Variants in DNM3 observed in about 807,000 individuals in gnomAD.
DNM3 encodes the protein dynamin-3.
Under a neutral mutation model 101.6 loss-of-function variants are expected in DNM3, and 47 were observed. That is an observed-to-expected ratio of 0.46 (90% CI 0.37 to 0.59). DNM3 has a LOEUF of 0.59. DNM3 is among the 20% of genes least tolerant of loss of function. The probability of loss-of-function intolerance (pLI) is 0.00; values close to 1 mark genes in which losing one functional copy is unlikely to be tolerated. For synonymous variants in DNM3, 385 were observed against 387.9 expected (o/e 0.99, Z 0.09); for missense variants, 849 against 1,085.7 (o/e 0.78, Z 3.06).
At chr1:172,407,710 T>G in intron 20 of DNM3, 62 bp from the exon 21 acceptor site, 1 of 1,558,900 alleles carries the variant, frequency 6.4e-7, no homozygotes, top group Non-Finnish European at 8.8e-7. Context: ...TCAGTGTCCT[T>G]GGAACAATGT....
chr1:172,003,875 C>A (rs2046505944), intron 4 of DNM3, among the ~76,000 whole-genome samples: 1 of 151,868 alleles, frequency 6.6e-6, no homozygotes, highest in Non-Finnish European at 1.5e-5. Flanking sequence ...TGACCAGCTG[C>A]TGTGGAGAAA....
chr1:171,896,264 T>C (rs1024019364), intron 1 of DNM3, among the ~76,000 whole-genome samples: 11 of 152,276 alleles, frequency 7.2e-5, no homozygotes, highest in Middle Eastern at 3.4e-3. Flanking sequence ...ATTCTTCCTA[T>C]CCATGAGCAT....
At chr1:172,183,767 ATTTTTT>A (rs376245976) in intron 14 of DNM3, among the ~76,000 whole-genome samples, 4 of 62,652 alleles carry the variant, frequency 6.4e-5, no homozygotes, top group South Asian at 7.1e-4. Flanking sequence ...TGCCCAGCTA[ATTTTTT>A]TTTTTTTTTT....
chr1:171,876,796 G>A (rs2035828785), intron 1 of DNM3, among the ~76,000 whole-genome samples: 1 of 152,200 alleles, frequency 6.6e-6, no homozygotes, highest in African/African-American at 2.4e-5. Context: ...TTTTTTAGTG[G>A]TAGTTTGAAA....
At chr1:172,177,093 TGA>T (rs1285281409) in intron 14 of DNM3, among the ~76,000 whole-genome samples, 1 of 151,804 alleles carries the variant, frequency 6.6e-6, no homozygotes, top group East Asian at 1.9e-4. Flanking sequence ...GTTTTGAGTT[TGA>T]GAGAACAATG....
chr1:172,198,815 A>C (rs2060048314), intron 14 of DNM3, among the ~76,000 whole-genome samples: 2 of 150,902 alleles, frequency 1.3e-5, no homozygotes, highest in South Asian at 4.2e-4. Flanking sequence ...TCTTTCTATT[A>C]GTCTAGTTAG....
At chr1:172,023,595 A>G (rs1309835113) in intron 4 of DNM3, among the ~76,000 whole-genome samples, 2 of 151,990 alleles carry the variant, frequency 1.3e-5, no homozygotes, top group African/African-American at 2.4e-5. Flanking sequence ...ATCTTTTATC[A>G]GTTCCCAGTA....
intron 4 of DNM3, among the ~76,000 whole-genome samples, chr1:172,003,923 T>C (rs766722416): frequency 2.6e-5 from 4 of 151,960 alleles, no homozygotes; most frequent in Admixed American, 1.3e-4. Flanking sequence ...GGGGACTCTA[T>C]TGAGGCCATA....
At chr1:172,268,620 C>A (rs187929483) in intron 15 of DNM3, among the ~76,000 whole-genome samples, 2 of 152,228 alleles carry the variant, frequency 1.3e-5, no homozygotes, top group Admixed American at 1.3e-4. Flanking sequence ...ACCAACCACA[C>A]CCAGACAGAA....
chr1:172,342,947 C>A (rs1408679569), intron 17 of DNM3, among the ~76,000 whole-genome samples: 1 of 152,076 alleles, frequency 6.6e-6, no homozygotes, highest in Non-Finnish European at 1.5e-5. Context: ...AAGAAACCTG[C>A]AAAATATATT....
chr1:172,314,534 G>A (rs1241218962), intron 16 of DNM3, among the ~76,000 whole-genome samples: 14 of 152,180 alleles, frequency 9.2e-5, no homozygotes, highest in Non-Finnish European at 1.9e-4. Context: ...ACTCCCACCC[G>A]CATACTGTGC....
At chr1:172,147,546 T>C (rs2057959840) in intron 14 of DNM3, among the ~76,000 whole-genome samples, 1 of 152,134 alleles carries the variant, frequency 6.6e-6, no homozygotes, top group Non-Finnish European at 1.5e-5. Flanking sequence ...TTCAGTTAGT[T>C]ATTGTTCCCA....
chr1:172,247,785 A>C (rs2148669478), intron 14 of DNM3, among the ~76,000 whole-genome samples: 1 of 151,968 alleles, frequency 6.6e-6, no homozygotes, highest in South Asian at 2.1e-4. Flanking sequence ...CCTGGGTTCA[A>C]GTGATTCTCC....
intron 13 of DNM3, among the ~76,000 whole-genome samples, chr1:172,112,915 T>C (rs2055587838): frequency 6.6e-6 from 1 of 152,234 alleles, no homozygotes; most frequent in Non-Finnish European, 1.5e-5. Flanking sequence ...CCATTTTTAT[T>C]ATTGCAATTA....
Position 172,412,502 on chromosome 1 carries a change from G to A in DNM3, c.*4661G>A. The A allele has an allele frequency of 2.0e-6, 2 of 985,696 alleles. No individual in the cohort carries two copies. The highest frequency in any genetic ancestry group is 2.4e-6 in the Non-Finnish European group (2 of 829,884). 61.1% of individuals were successfully genotyped at this position (985,696 alleles called of 1,614,324 possible). Reference sequence around the variant, plus strand: ...AAGGAATATACAGAAGTAAAATCTTGTCTTCTCTGCTGATTCTTTAATTAA... The same window carrying A: ...AAGGAATATACAGAAGTAAAATCTTATCTTCTCTGCTGATTCTTTAATTAA... On this transcript the variant is annotated 3_prime_UTR_variant, in exon 21 of 21. Coordinates refer to ENST00000627582, the MANE Select transcript of DNM3 (RefSeq NM_015569.5).
At chr1:172,056,073 GGGGTGAC>G (rs2050586181) in intron 10 of DNM3, among the ~76,000 whole-genome samples, 1 of 152,190 alleles carries the variant, frequency 6.6e-6, no homozygotes, top group Admixed American at 6.5e-5. Flanking sequence ...GTCAAAGAAA[GGGGTGAC>G]GGACGGCACC....
chr1:172,058,466 G>A (rs2050841462), intron 10 of DNM3, among the ~76,000 whole-genome samples: 1 of 151,414 alleles, frequency 6.6e-6, no homozygotes, highest in South Asian at 2.1e-4. Context: ...CTCAGCAAAT[G>A]TAAAAGAACA....
chr1:172,409,550 C>T lies in DNM3; in HGVS notation c.*1709C>T. On this transcript the variant is annotated 3_prime_UTR_variant, in exon 21 of 21. Transcript: ENST00000627582. ...TACCAGTGATTGTATAAAAACATCA[C>T]AATCCTAAATCCTCTCGTATCTCAC... 1 of 985,026 alleles carries T rather than the reference C, an allele frequency of 1.0e-6. No homozygotes were observed. The highest frequency in any genetic ancestry group is 1.2e-6 in the Non-Finnish European group (1 of 829,578). 61.0% of individuals were successfully genotyped at this position (985,026 alleles called of 1,614,324 possible). A position where few individuals can be genotyped will look rare whatever the true frequency, so the allele number is the denominator to read the frequency against.
chr1:171,996,424 T>C (rs1396517843), intron 4 of DNM3, among the ~76,000 whole-genome samples: 2 of 152,124 alleles, frequency 1.3e-5, no homozygotes, highest in African/African-American at 4.8e-5. Context: ...AAGGAAGTTT[T>C]TCTAGGTAAT....
Sources: gnomAD v4.1 joint callset for allele counts (sites outside exome capture counted in the v4.1 genomes callset) on GRCh38, gnomAD v4.1.1 for gene constraint, MANE v1.5 for transcripts, NCBI Gene and HGNC (gene_info 2026-07-23, HGNC 2026-07-21) for gene names.